COMMD5: variants seen among roughly 807,000 people sequenced by gnomAD.
The protein encoded by COMMD5 is COMM domain-containing protein 5.
COMMD5 carries 10 observed loss-of-function variants against 6.9 expected under a neutral mutation model. That is an observed-to-expected ratio of 1.44 (90% CI 0.89 to 2.45). COMMD5 has a LOEUF of 2.45. COMMD5 is among the 30% of genes most tolerant of loss of function. The pLI is 0.00. For missense variants in COMMD5, 234 were observed against 287.8 expected (o/e 0.81, Z 1.35); for synonymous variants, 127 against 125.3 (o/e 1.01, Z -0.09).
chr8:144,852,961 C>T lies in COMMD5; in HGVS notation c.-180G>A, dbSNP rs1045030112. ...AGGGAGACTCCATCCTACTCCACCC[C>T]ACGCTCCCGCTGTCCGAGTCGCCCC... is the stretch of plus-strand genomic sequence containing the variant. On this transcript the variant is annotated 5_prime_UTR_variant, in exon 1 of 2. Transcript: ENST00000305103. 1.3e-5 allele frequency: 2 copies of T among 152,650 alleles called. No homozygotes were observed. The highest frequency in any genetic ancestry group is 3.9e-4 in the East Asian group (2 of 5,180). 9.5% of individuals were successfully genotyped at this position (152,650 alleles called of 1,614,324 possible).
downstream of COMMD5, among the ~76,000 whole-genome samples, chr8:144,849,935 C>T (rs1045747600): frequency 3.9e-5 from 6 of 152,200 alleles, no homozygotes; most frequent in African/African-American, 1.2e-4. Flanking sequence ...TCCCCAACGT[C>T]GCCTCCCCAC....
downstream of COMMD5, chr8:144,838,274 C>T (rs1586816900): frequency 1.2e-5 from 7 of 601,914 alleles, no homozygotes; most frequent in East Asian, 2.0e-4. Flanking sequence ...CCAGTGACCT[C>T]ATGGTGACTA....
Position 144,841,988 on chromosome 8 carries a change from T to C in COMMD5, c.*117-245A>G, listed in dbSNP as rs756336405. 1.4e-5 allele frequency: 22 copies of C among 1,614,028 alleles called. No individual in the cohort carries two copies. Among genetic ancestry groups the C allele is most frequent in the African/African-American group, 8.0e-5 (6 of 74,918 alleles). On this transcript the variant is annotated intron_variant and NMD_transcript_variant, in intron 1 of 1. Transcript: ENST00000530332. ...GCCTTCCGCCTGAGCTCAAAACTTATTCAGCATCAAAGAATCCACACTGGG... is the reference window on the plus strand; with the variant it reads ...GCCTTCCGCCTGAGCTCAAAACTTACTCAGCATCAAAGAATCCACACTGGG...
intron 1 of COMMD5, among the ~76,000 whole-genome samples, chr8:144,844,381 G>A (rs972675348): frequency 1.4e-4 from 22 of 152,240 alleles, no homozygotes; most frequent in Non-Finnish European, 2.1e-4. Context: ...TGGTAGGGGG[G>A]AACGCGGTGA....
downstream of COMMD5, chr8:144,846,127 G>T (rs1830499847): frequency 1.3e-6 from 2 of 1,536,248 alleles, no homozygotes; most frequent in Admixed American, 2.0e-5. Flanking sequence ...GCCACTTCCT[G>T]GTTCATGATC....
chr8:144,844,189 G>C (rs1830346877), intron 1 of COMMD5, among the ~76,000 whole-genome samples: 1 of 152,168 alleles, frequency 6.6e-6, no homozygotes, highest in Non-Finnish European at 1.5e-5. Flanking sequence ...TGCACTGTGA[G>C]AGGGTACTGA....
downstream of COMMD5, among the ~76,000 whole-genome samples, chr8:144,845,453 AC>A (rs1439340346): frequency 6.6e-6 from 1 of 151,896 alleles, no homozygotes; most frequent in East Asian, 1.9e-4. Flanking sequence ...GGTTCTTGGC[AC>A]ATGCAGGAAC....
chr8:144,838,056 G>GC (rs34966207), downstream of COMMD5: 5,322 of 702,630 alleles, frequency 7.6e-3, 193 homozygotes, highest in African/African-American at 0.085. Context: ...GCAGGGCCGT[G>GC]CCCCCCTGTG....
chr8:144,840,272 A>G (rs1167222556), downstream of COMMD5, among the ~76,000 whole-genome samples: 1 of 152,174 alleles, frequency 6.6e-6, no homozygotes, highest in Admixed American at 6.5e-5. Context: ...CTGCTACACA[A>G]TGAGGTTGAA....
At position 144,843,216 on chromosome 8, in the gene COMMD5, AACTT is replaced by A. The variant is rs763144658; in HGVS notation, c.*117-1477_*117-1474del. On this transcript the variant is annotated intron_variant and NMD_transcript_variant, in intron 1 of 1. Transcript: ENST00000530332. ...TATATGTGAATAAACCTATAGCCTT[AACTT>A]ACTTATTTTATATGGAATCGTTTAT... 859 of 1,501,602 alleles carry A rather than the reference AACTT, an allele frequency of 5.7e-4. 3 individuals are homozygous for A. The African/African-American group carries it at 5.7e-3, about 10-fold the overall frequency. 93.0% of individuals were successfully genotyped at this position (1,501,602 alleles called of 1,614,324 possible).
chr8:144,841,430 T>C, exon 2 of COMMD5: 1 of 1,614,228 alleles, frequency 6.2e-7, no homozygotes, highest in Non-Finnish European at 8.5e-7. Flanking sequence ...TATGGGACAG[T>C]GGTCAGAATC....
chr8:144,846,750 G>A (rs1368170872), downstream of COMMD5: 3 of 152,738 alleles, frequency 2.0e-5, no homozygotes, highest in Non-Finnish European at 4.4e-5. Flanking sequence ...TCAGGCTGAA[G>A]TGCAGTGGTG....
At chr8:144,842,537 G>C (rs997657853) in intron 1 of COMMD5, 1 of 1,613,902 alleles carries the variant, frequency 6.2e-7, no homozygotes, top group Non-Finnish European at 8.5e-7. Flanking sequence ...TGTGGCAAAG[G>C]CTTTGTTCAG....
downstream of COMMD5, among the ~76,000 whole-genome samples, chr8:144,845,276 C>T (rs1830449473): frequency 1.3e-5 from 2 of 152,152 alleles, no homozygotes; most frequent in African/African-American, 4.8e-5. Context: ...TCCTTTTGCC[C>T]ACCATTCCCA....
rs28688029 is a variant in COMMD5, at chr8:144,850,571, G to A, written c.*93C>T. The A allele has an allele frequency of 2.1e-3, 2,821 of 1,354,568 alleles. 46 individuals are homozygous for A. The African/African-American group carries it at 0.036, about 17-fold the overall frequency. The allele number at this position is 1,354,568 out of a possible 1,614,324, so 83.9% of individuals were successfully genotyped here. A position where few individuals can be genotyped will look rare whatever the true frequency, so the allele number is the denominator to read the frequency against. On this transcript the variant is annotated 3_prime_UTR_variant, in exon 2 of 2. Transcript: ENST00000305103. This position sits in a 1 kb window ranked among gnomAD's most constrained non-coding sequence, Gnocchi z 4.0. ...ACTGAAGAGCCTGCCTCATGGGAAG[G>A]GCAGGGCTGTCGTGGGAAGAGTCAG...
upstream of COMMD5, chr8:144,853,515 C>G (rs1209873): frequency 4.6e-5 from 7 of 152,282 alleles, no homozygotes; most frequent in East Asian, 1.3e-3. Context: ...GTTTTGAGAG[C>G]TGCCCCGTTT....
chr8:144,841,155 T>C, exon 2 of COMMD5: 1 of 604,218 alleles, frequency 1.7e-6, no homozygotes, highest in Non-Finnish European at 2.9e-6. Flanking sequence ...TGCTATCGAA[T>C]GAGTGAACAA....
Position 144,850,816 on chromosome 8 carries a change from T to G in COMMD5, c.523A>C (p.Ser175Arg), listed in dbSNP as rs750506036. The change falls in exon 2 of 2, where the codon AGC becomes CGC. Residue 175 changes from serine (S) to arginine (R), a missense_variant. Ser to Arg is a moderately radical substitution (Grantham distance 110). Coordinates refer to ENST00000305103, the MANE Select transcript of COMMD5 (RefSeq NM_014066.4). This position sits in a 1 kb window ranked among gnomAD's most constrained non-coding sequence, Gnocchi z 4.0. The stretch of plus-strand genomic sequence containing the variant: ...GAAAGCTTCAGCTGCATCAGGACGC[T>G]CGGCTGCAGGGAGCGAGCCAGGGCA... Reference protein sequence around the residue: ...TSALARSLQPSVLMQLKLSDG... With the variant: ...TSALARSLQPRVLMQLKLSDG... The G allele has an allele frequency of 1.2e-6, 2 of 1,613,946 alleles. No individual in the cohort carries two copies. The highest frequency in any genetic ancestry group is 4.5e-5 in the East Asian group (2 of 44,886).
chr8:144,839,788 A>G (rs1735166), downstream of COMMD5, among the ~76,000 whole-genome samples: 68,949 of 152,018 alleles, frequency 0.45, 16,321 homozygotes, highest in African/African-American at 0.59. Context: ...AGATACTGAA[A>G]GATATTGGCC....
Sources: allele counts gnomAD v4.1 joint callset (sites outside exome capture counted in the v4.1 genomes callset), GRCh38; gene constraint gnomAD v4.1.1; non-coding constraint Gnocchi (gnomAD v3.1); transcripts MANE v1.5; gene names NCBI Gene and HGNC (gene_info 2026-07-23, HGNC 2026-07-21).